The following PCDHGB5 variants were observed in gnomAD, a reference collection of about 807,000 sequenced individuals.
PCDHGB5 encodes protocadherin gamma subfamily B, 5, also known as protocadherin gamma-B5.
A neutral mutation model predicts 62.9 loss-of-function variants in PCDHGB5; 48 were observed. The observed-to-expected ratio is 0.76, with a 90% CI of 0.61 to 0.97. The LOEUF is 0.97. Ranked by LOEUF, PCDHGB5 falls within the 50% of genes least tolerant of loss-of-function variation. The pLI is 0.00. For synonymous variants in PCDHGB5, 474 were observed against 511.2 expected (o/e 0.93, Z 0.98); for missense variants, 1,118 against 1,198.6 (o/e 0.93, Z 0.99).
rs1265422100 is a variant in PCDHGB5 at position 141,490,199 on chromosome 5, C to A, written c.2398-4608C>A. On this transcript the variant is annotated intron_variant, in intron 1 of 3. Transcript: ENST00000617380. This position sits in a 1 kb window ranked among gnomAD's most constrained non-coding sequence, Gnocchi z 5.4. The stretch of plus-strand genomic sequence containing the variant: ...GAGTCACGTTTCTATGAAATTCATG[C>A]AAGAGCCCGTGACCAGGGACAGCCT... The A allele has an allele frequency of 1.9e-6, 3 of 1,614,184 alleles. No homozygotes were observed. The highest frequency in any genetic ancestry group is 2.5e-6 in the Non-Finnish European group (3 of 1,180,024).
intron 1 of PCDHGB5, among the ~76,000 whole-genome samples, chr5:141,445,700 A>G (rs2098474731): frequency 6.6e-6 from 1 of 152,216 alleles, no homozygotes; most frequent in Non-Finnish European, 1.5e-5. Flanking sequence ...TAAAAAAGAA[A>G]TTGTCAGGCA....
In PCDHGB5 at chr5:141,485,935, C is replaced by T. The variant is rs2099621642; in HGVS notation, c.2398-8872C>T. The T allele has an allele frequency of 6.2e-7, 1 of 1,614,026 alleles. No homozygotes were observed. Among genetic ancestry groups the T allele is most frequent in the Non-Finnish European group, 8.5e-7 (1 of 1,180,038 alleles). On this transcript the variant is annotated intron_variant, in intron 1 of 3. Coordinates refer to ENST00000617380, the MANE Select transcript of PCDHGB5 (RefSeq NM_018925.3). The surrounding 1 kb of genome is among the most constrained non-coding windows in gnomAD (Gnocchi z 5.7). Reference sequence around the variant, plus strand: ...GCTACAGGATTAGTGTGTTGGAGAGCGCACCAGCGGGCATGGTGCTCATCC... The same window carrying T: ...GCTACAGGATTAGTGTGTTGGAGAGTGCACCAGCGGGCATGGTGCTCATCC...
rs768366007 is a variant in PCDHGB5 at position 141,399,850 on chromosome 5, C to G, written c.1723C>G (p.Pro575Ala). 1.2e-6 allele frequency: 2 copies of G among 1,612,828 alleles called. No individual in the cohort carries two copies. Among genetic ancestry groups the G allele is most frequent in the Non-Finnish European group, 1.7e-6 (2 of 1,179,798 alleles). Reference sequence around the variant, plus strand: ...CGGCTCTGCGCTCTTCGATATGGTGCCGCGCGCTGCAGAGCCCGGCTACCT... The same window carrying G: ...CGGCTCTGCGCTCTTCGATATGGTGGCGCGCGCTGCAGAGCCCGGCTACCT... ...PDGSALFDMV[P>A]RAAEPGYLVT... The change falls in exon 1 of 4, where the codon CCG (proline) becomes GCG (alanine). Residue 575 changes from proline to alanine, a missense_variant. This residue lies in a region of PCDHGB5 where 1,034 missense variants were observed against 1,029.1 expected (regional missense o/e 1.00). Coordinates refer to ENST00000617380, the MANE Select transcript of PCDHGB5 (RefSeq NM_018925.3).
intron 1 of PCDHGB5, chr5:141,421,331 C>T: frequency 1.2e-6 from 2 of 1,613,856 alleles, no homozygotes; most frequent in East Asian, 2.2e-5. Flanking sequence ...ATCCGATATT[C>T]GGTGCCAGAA....
chr5:141,492,332 G>A (rs2099739439), intron 1 of PCDHGB5, among the ~76,000 whole-genome samples: 1 of 152,204 alleles, frequency 6.6e-6, no homozygotes. Flanking sequence ...GGGCTTACGC[G>A]AATACCAGCT....
At chr5:141,499,779 C>T (rs1450026011) in intron 2 of PCDHGB5, among the ~76,000 whole-genome samples, 3 of 151,452 alleles carry the variant, frequency 2.0e-5, no homozygotes, top group Non-Finnish European at 4.4e-5. Flanking sequence ...CTTCGCCTCC[C>T]GGGTTCAAGC....
At chr5:141,446,231 C>T (rs1412899811) in intron 1 of PCDHGB5, among the ~76,000 whole-genome samples, 2 of 152,176 alleles carry the variant, frequency 1.3e-5, no homozygotes, top group African/African-American at 2.4e-5. Flanking sequence ...TGTTGCCTGG[C>T]AAGTGGTAGA....
intron 3 of PCDHGB5, 118 bp downstream of exon 3, chr5:141,505,599 G>A (rs936757644): frequency 1.5e-5 from 23 of 1,555,468 alleles, no homozygotes; most frequent in South Asian, 2.4e-5. Flanking sequence ...CAGATCTTTC[G>A]GCAGGTCTGA....
At chr5:141,480,398 G>C (rs2099518275) in intron 1 of PCDHGB5, among the ~76,000 whole-genome samples, 1 of 149,050 alleles carries the variant, frequency 6.7e-6, no homozygotes, top group Non-Finnish European at 1.5e-5. Context: ...CATGGCAATA[G>C]AGTGAGACCC....
intron 3 of PCDHGB5, 110 bp downstream of exon 3, chr5:141,505,591 G>T: frequency 6.4e-7 from 1 of 1,570,280 alleles, no homozygotes; most frequent in Non-Finnish European, 8.7e-7. Flanking sequence ...AGTTTCTCCA[G>T]ATCTTTCGGC....
Position 141,486,219 on chromosome 5 carries a change from A to G in PCDHGB5, c.2398-8588A>G. 1 of 1,614,134 alleles carries G rather than the reference A, an allele frequency of 6.2e-7. No individual in the cohort carries two copies. Among genetic ancestry groups the G allele is most frequent in the African/African-American group, 1.3e-5 (1 of 75,042 alleles). ...CTGGACGTAAATGACAATGCCCCTT[A>G]CATCACAGTGACCTCAGAGCTTGGA... On this transcript the variant is annotated intron_variant, in intron 1 of 3. Transcript: ENST00000617380. This position sits in a 1 kb window ranked among gnomAD's most constrained non-coding sequence, Gnocchi z 5.0.
chr5:141,432,400 G>A lies in PCDHGB5; in HGVS notation c.2397+31876G>A, dbSNP rs139153105. ...ACCCGCCCCTCAGCAGCAACGTGTC[G>A]TTGAGCCTGTTCGTGCTGGACCAGA... On this transcript the variant is annotated intron_variant, in intron 1 of 3. Transcript: ENST00000617380. The surrounding 1 kb of genome is among the most constrained non-coding windows in gnomAD (Gnocchi z 6.0). 5.6e-6 allele frequency: 9 copies of A among 1,614,122 alleles called. No homozygotes were observed. In the East Asian group the frequency reaches 6.7e-5, roughly 12 times the overall value.
chr5:141,423,636 C>A, intron 1 of PCDHGB5: 1 of 1,598,388 alleles, frequency 6.3e-7, no homozygotes, highest in Non-Finnish European at 8.5e-7. Context: ...TCATTTTAGG[C>A]AAATGTGACC....
At chr5:141,462,314 A>C (rs1283684392) in intron 1 of PCDHGB5, among the ~76,000 whole-genome samples, 1 of 152,186 alleles carries the variant, frequency 6.6e-6, no homozygotes, top group Non-Finnish European at 1.5e-5. Flanking sequence ...TATATTTGTC[A>C]CTGATTTCTA....
intron 1 of PCDHGB5, among the ~76,000 whole-genome samples, chr5:141,483,084 C>CA (rs898059463): frequency 8.0e-5 from 12 of 150,326 alleles, no homozygotes; most frequent in Admixed American, 2.0e-4. Context: ...GACTCCATCT[C>CA]AAAAAAAAAG....
rs761704779 is a variant in PCDHGB5 at position 141,486,764 on chromosome 5, C to T, written c.2398-8043C>T. ...CTTTGACTATGAGCAAACCCAGACA[C>T]TGCAGTTTGAGGTGCAGGCCCGGGA... On this transcript the variant is annotated intron_variant, in intron 1 of 3. Transcript: ENST00000617380. This position sits in a 1 kb window ranked among gnomAD's most constrained non-coding sequence, Gnocchi z 5.0. 6.2e-7 allele frequency: 1 copy of T among 1,614,264 alleles called. No homozygotes were observed. The highest frequency in any genetic ancestry group is 2.2e-5 in the East Asian group (1 of 44,880).
intron 1 of PCDHGB5, among the ~76,000 whole-genome samples, chr5:141,444,473 G>A (rs943971075): frequency 2.6e-5 from 4 of 151,972 alleles, no homozygotes; most frequent in Admixed American, 6.6e-5. Flanking sequence ...GCCCGGTCGC[G>A]TACTGGATTT....
intron 3 of PCDHGB5, among the ~76,000 whole-genome samples, chr5:141,509,622 T>C (rs2099877603): frequency 6.6e-6 from 1 of 152,186 alleles, no homozygotes; most frequent in Non-Finnish European, 1.5e-5. Flanking sequence ...AACAAGTTCC[T>C]GGGTGATGCT....
rs905837179 is a variant in PCDHGB5 at position 141,478,541 on chromosome 5, G to A, written c.2398-16266G>A. ...GTTGGGTGCAGAGAGCGCCCCTCCCGGACAGGTAAGGTTTAGCAAGTCATG... is the reference window on the plus strand; with the variant it reads ...GTTGGGTGCAGAGAGCGCCCCTCCCAGACAGGTAAGGTTTAGCAAGTCATG... On this transcript the variant is annotated intron_variant, in intron 1 of 3. Coordinates refer to ENST00000617380, the MANE Select transcript of PCDHGB5 (RefSeq NM_018925.3). 4 of 1,605,470 alleles carry A rather than the reference G, an allele frequency of 2.5e-6. No homozygotes were observed. The Admixed American group carries it at 5.2e-5, about 21-fold the overall frequency.
Sources: gnomAD v4.1 joint callset for allele counts (sites outside exome capture counted in the v4.1 genomes callset) on GRCh38, gnomAD v4.1.1 for gene constraint, gnomAD v4.1.1 regional missense constraint, Gnocchi (gnomAD v3.1) non-coding constraint, MANE v1.5 for transcripts, NCBI Gene and HGNC (gene_info 2026-07-23, HGNC 2026-07-21) for gene names.